The following KNSTRN variants were observed in gnomAD, a reference collection of about 807,000 sequenced individuals.
KNSTRN encodes the protein kinetochore localized astrin (SPAG5) binding protein.
In KNSTRN, 38 loss-of-function variants were observed where a neutral mutation model predicts 44.7. That is an observed-to-expected ratio of 0.85 (90% confidence interval 0.66 to 1.11). The LOEUF (loss-of-function observed/expected upper bound fraction) is 1.11, where lower values mean the gene tolerates loss of function less well. KNSTRN is among the 50% of genes most tolerant of loss of function. The pLI, the probability that KNSTRN is intolerant of heterozygous loss-of-function variation, is 0.00. For synonymous variants in KNSTRN, 158 were observed against 148.1 expected, an observed-to-expected ratio of 1.07 and a Z score of -0.48; for missense variants, 406 against 375.8, an observed-to-expected ratio of 1.08 and a Z score of -0.66.
In KNSTRN at chr15:40,393,101, T is replaced by C. The variant is rs569700689; in HGVS notation, c.823-368T>C. The C allele has an allele frequency of 9.6e-6, 13 of 1,353,712 alleles. No homozygotes were observed. In the South Asian group the frequency reaches 1.6e-4, roughly 16 times the overall value. 83.9% of individuals were successfully genotyped at this position (1,353,712 alleles called of 1,614,324 possible). On this transcript the variant is annotated intron_variant, in intron 8 of 8. Transcript: ENST00000249776. ...CAGTAGGTTGCTCAGAGTTGGGAAT[T>C]GAGAACTATATGTAATCCATTCTAT...
chr15:40,383,082 G>A lies in KNSTRN; in HGVS notation c.209+38G>A, dbSNP rs1566921634. 5 of 1,602,968 alleles carry A rather than the reference G, an allele frequency of 3.1e-6. No homozygotes were observed. In the East Asian group the frequency reaches 8.9e-5, roughly 29 times the overall value. Reference sequence around the variant, plus strand: ...CGGGGCGAGGGACTGGGCTGGATGGGAGGAAGGACGGAATGAGCTGGGAAA... The same window carrying A: ...CGGGGCGAGGGACTGGGCTGGATGGAAGGAAGGACGGAATGAGCTGGGAAA... On this transcript the variant is annotated intron_variant, in intron 1 of 8. Coordinates refer to ENST00000249776, the MANE Select transcript of KNSTRN (RefSeq NM_033286.4).
chr15:40,386,606 C>A, intron 3 of KNSTRN, 112 bp downstream of exon 3: 1 of 1,104,894 alleles, frequency 9.1e-7, no homozygotes, highest in Non-Finnish European at 1.3e-6. Flanking sequence ...AACTGGCCTT[C>A]AATCAGTGGC....
chr15:40,390,308 C>T (rs959760726), intron 6 of KNSTRN, among the ~76,000 whole-genome samples: 2 of 152,210 alleles, frequency 1.3e-5, no homozygotes, highest in Non-Finnish European at 2.9e-5. Flanking sequence ...TTTGAACATG[C>T]TCTTCCTTTC....
At chr15:40,389,672 A>T in intron 5 of KNSTRN, 61 bp downstream of exon 5, 1 of 1,362,646 alleles carries the variant, frequency 7.3e-7, no homozygotes, top group East Asian at 2.3e-5. Context: ...TGGAATCCTG[A>T]TGGGTGGCCC....
At chr15:40,392,091 GTT>G in intron 8 of KNSTRN, 68 bp downstream of exon 8, 1 of 896,864 alleles carries the variant, frequency 1.1e-6, no homozygotes, top group Non-Finnish European at 1.7e-6. Flanking sequence ...GGTCTTTTCT[GTT>G]TTTCTATTTA....
intron 2 of KNSTRN, chr15:40,383,553 C>T: frequency 2.1e-6 from 1 of 475,644 alleles, no homozygotes; most frequent in Non-Finnish European, 3.8e-6. Context: ...GTACTGTATT[C>T]ATCAGTTAGA....
Position 40,393,695 on chromosome 15 carries a change from T to G in KNSTRN, c.*98T>G. 8.9e-7 allele frequency: 1 copy of G among 1,123,306 alleles called. No homozygotes were observed. The highest frequency in any genetic ancestry group is 1.3e-6 in the Non-Finnish European group (1 of 782,650). 69.6% of individuals were successfully genotyped at this position (1,123,306 alleles called of 1,614,324 possible). A position where few individuals can be genotyped will look rare whatever the true frequency, so the allele number is the denominator to read the frequency against. ...GGCCATGATCTTCTGGGACTCACCA[T>G]CTCCAGAATGAAAACAATTTCTACA... is the stretch of plus-strand genomic sequence containing the variant. On this transcript the variant is annotated 3_prime_UTR_variant, in exon 9 of 9. Coordinates refer to ENST00000249776, the MANE Select transcript of KNSTRN (RefSeq NM_033286.4).
chr15:40,393,553 T>C lies in KNSTRN; in HGVS notation c.907T>C (p.Leu303=), dbSNP rs754619508. ...QTLCNNQVND[L]TTALKEMEQL... is the part of the protein sequence containing the mutation. Reference sequence around the variant, plus strand: ...CTTATGTAACAATCAAGTAAATGATTTAACAACAGCCCTTAAGGAAATGGA... The same window carrying C: ...CTTATGTAACAATCAAGTAAATGATCTAACAACAGCCCTTAAGGAAATGGA... The change falls in exon 9 of 9, where the codon TTA becomes CTA. Residue 303 remains leucine (L), a synonymous_variant. Coordinates refer to ENST00000249776, the MANE Select transcript of KNSTRN (RefSeq NM_033286.4). 1.2e-6 allele frequency: 2 copies of C among 1,614,066 alleles called. No individual in the cohort carries two copies. The highest frequency in any genetic ancestry group is 3.3e-5 in the Admixed American group (2 of 60,002).
chr15:40,389,980 C>T lies in KNSTRN; in HGVS notation c.685+51C>T, dbSNP rs746335299. 2.8e-6 allele frequency: 4 copies of T among 1,442,480 alleles called. No individual in the cohort carries two copies. The South Asian group carries it at 4.6e-5, about 16-fold the overall frequency. The allele number at this position is 1,442,480 out of a possible 1,614,324, so 89.4% of individuals were successfully genotyped here. A position where few individuals can be genotyped will look rare whatever the true frequency, so the allele number is the denominator to read the frequency against. On this transcript the variant is annotated intron_variant, in intron 6 of 8. Transcript: ENST00000249776. ...CCTTTGAAGGAATTGGTGCATGTGC[C>T]CCTTCCGGGGTTGATCTTGGCAGCA...
chr15:40,383,415 G>C (rs1303506582), intron 2 of KNSTRN, 93 bp downstream of exon 2: 1 of 964,018 alleles, frequency 1.0e-6, no homozygotes, highest in African/African-American at 1.6e-5. Context: ...GCACGGGGAA[G>C]GGCGTCCCGT....
At chr15:40,393,442 T>G in intron 8 of KNSTRN, 27 bp from the exon 9 acceptor site, 1 of 1,607,712 alleles carries the variant, frequency 6.2e-7, no homozygotes, top group East Asian at 2.2e-5. Context: ...TATGTGTTGT[T>G]TTCTTTTGGA....
At chr15:40,388,261 C>T (rs985383315) in intron 4 of KNSTRN, among the ~76,000 whole-genome samples, 6 of 152,178 alleles carry the variant, frequency 3.9e-5, no homozygotes, top group African/African-American at 1.4e-4. Flanking sequence ...CAGTCATTAG[C>T]ATTGTTTCTA....
intron 5 of KNSTRN, 44 bp from the exon 6 acceptor site, chr15:40,389,792 G>C (rs370405652): frequency 7.7e-5 from 121 of 1,577,858 alleles, no homozygotes; most frequent in African/African-American, 1.3e-4. Flanking sequence ...ACCACCCCTA[G>C]GGAGTTGGAC....
At chr15:40,383,088 G>A in intron 1 of KNSTRN, 44 bp downstream of exon 1, 7 of 1,600,850 alleles carry the variant, frequency 4.4e-6, no homozygotes, top group Non-Finnish European at 6.0e-6. Flanking sequence ...ATGGGAGGAA[G>A]GACGGAATGA....
rs755963543 is a variant in KNSTRN, at chr15:40,383,229, G to T, written c.211G>T (p.Val71Phe). Residue 71 changes from valine to phenylalanine, a missense_variant and splice_region_variant, in exon 2 of 9, where the codon GTT becomes TTT. Transcript: ENST00000249776. ...TAACATTCATCCTGTACCTTCCAGG[G>T]TTCAGCCGTGCCGCCTCGTTACGAT... ...DCGQDRRAPG[V>F]QPCRLVTMTS... is the part of the protein sequence containing the mutation. 4.3e-6 allele frequency: 7 copies of T among 1,613,764 alleles called. No individual in the cohort carries two copies. In the Admixed American group the frequency reaches 1.2e-4, roughly 27 times the overall value.
intron 8 of KNSTRN, 127 bp from the exon 9 acceptor site, chr15:40,393,342 C>G: frequency 6.3e-7 from 1 of 1,598,494 alleles, no homozygotes; most frequent in South Asian, 1.1e-5. Context: ...AAGATACAGT[C>G]TGTTGATACT....
chr15:40,388,439 G>A (rs184826447), intron 4 of KNSTRN, among the ~76,000 whole-genome samples: 9 of 152,290 alleles, frequency 5.9e-5, no homozygotes, highest in East Asian at 5.8e-4. Context: ...AGTGGCTCAC[G>A]CCTGTAATCC....
At chr15:40,383,073 G>A (rs865810698) in intron 1 of KNSTRN, 29 bp downstream of exon 1, 1 of 1,605,976 alleles carries the variant, frequency 6.2e-7, no homozygotes, top group East Asian at 2.2e-5. Context: ...GAGGGACTGG[G>A]CTGGATGGGA....
chr15:40,384,667 CA>C (rs1419921922), intron 2 of KNSTRN: 1 of 253,230 alleles, frequency 3.9e-6, no homozygotes. Flanking sequence ...GGAACAGTTT[CA>C]AATTTTTAGG....
Sources: gnomAD v4.1 joint callset for allele counts (sites outside exome capture counted in the v4.1 genomes callset) on GRCh38, gnomAD v4.1.1 for gene constraint, MANE v1.5 for transcripts, NCBI Gene and HGNC (gene_info 2026-07-23, HGNC 2026-07-21) for gene names.